Variants in NFIA observed in about 807,000 individuals in gnomAD.
NFIA encodes nuclear factor I A, also known as nuclear factor 1 A-type.
NFIA carries 8 observed loss-of-function variants against 62.8 expected under a neutral mutation model. The observed-to-expected ratio is 0.13, with a 90% confidence interval of 0.07 to 0.23. The LOEUF is 0.23. Among genes scored for constraint, NFIA ranks in the 10% least tolerant of loss-of-function variants. NFIA has a pLI of 1.00. For synonymous variants in NFIA, 235 were observed against 238.1 expected (o/e 0.99, Z 0.12); for missense variants, 410 against 642.1 (o/e 0.64, Z 3.91).
chr1:61,295,851 AT>A (rs1369552426), intron 3 of NFIA, among the ~76,000 whole-genome samples: 15 of 152,228 alleles, frequency 9.9e-5, no homozygotes, highest in Admixed American at 4.6e-4. Flanking sequence ...CTTCATTTCC[AT>A]CCCAGGTCCC....
chr1:61,130,641 ACT>A (rs1491262381), intron 2 of NFIA, among the ~76,000 whole-genome samples: 1 of 151,892 alleles, frequency 6.6e-6, no homozygotes, highest in Non-Finnish European at 1.5e-5. Context: ...AGCTGTAAGA[ACT>A]CTTACCTCCC....
intron 9 of NFIA, among the ~76,000 whole-genome samples, chr1:61,422,938 A>G (rs925204566): frequency 1.3e-5 from 2 of 152,122 alleles, no homozygotes; most frequent in Non-Finnish European, 2.9e-5. Flanking sequence ...TTAGGGAGGC[A>G]GGACCGGTAT....
At chr1:61,164,751 C>T (rs922053089) in intron 2 of NFIA, among the ~76,000 whole-genome samples, 2 of 152,060 alleles carry the variant, frequency 1.3e-5, no homozygotes, top group Non-Finnish European at 1.5e-5. Context: ...TGAGCCACCA[C>T]GTCCAGCCAA....
chr1:61,333,047 G>GCA (rs71050120), intron 4 of NFIA, among the ~76,000 whole-genome samples: 2,545 of 144,694 alleles, frequency 0.018, 23 homozygotes, highest in Middle Eastern at 0.035. Flanking sequence ...TAGCATGCAC[G>GCA]CACACACACA....
intron 4 of NFIA, among the ~76,000 whole-genome samples, chr1:61,346,807 T>C (rs911337918): frequency 6.6e-6 from 1 of 151,952 alleles, no homozygotes; most frequent in African/African-American, 2.4e-5. Flanking sequence ...AGAAAAGAGG[T>C]TTAATTGACT....
At chr1:61,167,869 C>T (rs1214598553) in intron 2 of NFIA, among the ~76,000 whole-genome samples, 1 of 152,110 alleles carries the variant, frequency 6.6e-6, no homozygotes, top group Non-Finnish European at 1.5e-5. Flanking sequence ...CTGGGTATGC[C>T]TGGCAAAACC....
intron 10 of NFIA, among the ~76,000 whole-genome samples, chr1:61,452,771 T>G (rs1032497092): frequency 1.3e-5 from 2 of 152,220 alleles, no homozygotes; most frequent in African/African-American, 2.4e-5. Flanking sequence ...AAACTAACCT[T>G]TAAAGTAACT....
At chr1:61,309,192 C>G (rs1659958863) in intron 3 of NFIA, among the ~76,000 whole-genome samples, 1 of 152,082 alleles carries the variant, frequency 6.6e-6, no homozygotes, top group Admixed American at 6.5e-5. Flanking sequence ...TTATGGAGCC[C>G]AGTGCCAAAC....
chr1:61,160,067 A>G lies in NFIA; in HGVS notation c.559+71387A>G, dbSNP rs142031624. ...TACAGACATTCTTTGGATACCTTTCATCAAATCAGTGTGGGCTGTTCTTTA... is the reference window on the plus strand; with the variant it reads ...TACAGACATTCTTTGGATACCTTTCGTCAAATCAGTGTGGGCTGTTCTTTA... On this transcript the variant is annotated intron_variant, in intron 2 of 10. Transcript: ENST00000403491. Among the ~76,000 whole-genome samples, 1,394 of 152,324 alleles carry G rather than the reference A, an allele frequency of 9.2e-3. 17 individuals are homozygous for G. The highest frequency in any genetic ancestry group is 0.061 in the Middle Eastern group (18 of 294).
At chr1:61,302,182 TCTC>T (rs1659529178) in intron 3 of NFIA, among the ~76,000 whole-genome samples, 1 of 152,122 alleles carries the variant, frequency 6.6e-6, no homozygotes, top group Admixed American at 6.5e-5. Flanking sequence ...ACCTGTAACA[TCTC>T]CTAGTTTTAA....
intron 4 of NFIA, among the ~76,000 whole-genome samples, chr1:61,344,010 G>A (rs995413157): frequency 3.3e-5 from 5 of 152,130 alleles, no homozygotes; most frequent in African/African-American, 1.2e-4. Context: ...GGAAACTCTG[G>A]CAGAGAGCAC....
At chr1:61,378,073 A>G (rs931600572) in intron 6 of NFIA, among the ~76,000 whole-genome samples, 13 of 152,192 alleles carry the variant, frequency 8.5e-5, no homozygotes, top group African/African-American at 2.2e-4. Context: ...TTCCTTTACT[A>G]TTGTCACTAT....
In NFIA at chr1:61,457,794, C is replaced by G. The variant is rs1414833202; in HGVS notation, c.*2474C>G. Reference sequence around the variant, plus strand: ...AGCACTAAGCTGACCCTGCTTCAAGCAATTTTGTTTTTACAACTGTTCCTT... The same window carrying G: ...AGCACTAAGCTGACCCTGCTTCAAGGAATTTTGTTTTTACAACTGTTCCTT... On this transcript the variant is annotated 3_prime_UTR_variant, in exon 11 of 11. Coordinates refer to ENST00000403491, the MANE Select transcript of NFIA (RefSeq NM_001134673.4). This position sits in a 1 kb window ranked among gnomAD's most constrained non-coding sequence, Gnocchi z 4.2. 1 of 151,208 alleles carries G rather than the reference C, an allele frequency of 6.6e-6. No individual in the cohort carries two copies. Among genetic ancestry groups the G allele is most frequent in the Non-Finnish European group, 1.5e-5 (1 of 67,876 alleles). 9.4% of individuals were successfully genotyped at this position (151,208 alleles called of 1,614,324 possible).
chr1:61,201,785 T>A (rs10493304), intron 2 of NFIA, among the ~76,000 whole-genome samples: 7,240 of 152,258 alleles, frequency 0.048, 264 homozygotes, highest in East Asian at 0.15. Flanking sequence ...TACAAAGTAT[T>A]TCAGGTAAAA....
intron 3 of NFIA, among the ~76,000 whole-genome samples, chr1:61,329,791 A>C (rs1413693256): frequency 6.6e-6 from 1 of 152,212 alleles, no homozygotes; most frequent in Non-Finnish European, 1.5e-5. Context: ...TGAATAAATG[A>C]GTAACTCATC....
intron 6 of NFIA, among the ~76,000 whole-genome samples, chr1:61,379,599 G>A (rs764260150): frequency 1.3e-4 from 19 of 151,150 alleles, no homozygotes; most frequent in Non-Finnish European, 2.7e-4. Flanking sequence ...GTAGAGATGC[G>A]GTTTCACCAT....
intron 2 of NFIA, among the ~76,000 whole-genome samples, chr1:61,141,944 A>C (rs950924931): frequency 3.9e-5 from 6 of 152,238 alleles, no homozygotes; most frequent in African/African-American, 1.4e-4. Context: ...GTTTGCGGCC[A>C]TTCTACTTAC....
intron 9 of NFIA, among the ~76,000 whole-genome samples, chr1:61,422,690 T>G (rs1334881941): frequency 6.7e-6 from 1 of 150,298 alleles, no homozygotes; most frequent in Non-Finnish European, 1.5e-5. Context: ...GAGGATTGCC[T>G]GAGCCCAAGA....
At chr1:61,366,652 A>G (rs1028882099) in intron 6 of NFIA, among the ~76,000 whole-genome samples, 8 of 152,266 alleles carry the variant, frequency 5.3e-5, no homozygotes, top group Admixed American at 3.3e-4. Flanking sequence ...GCCGAGCACA[A>G]TGGCTCACAC....
Sources: allele counts gnomAD v4.1 joint callset (sites outside exome capture counted in the v4.1 genomes callset), GRCh38; gene constraint gnomAD v4.1.1; non-coding constraint Gnocchi (gnomAD v3.1); transcripts MANE v1.5; gene names NCBI Gene and HGNC (gene_info 2026-07-23, HGNC 2026-07-21).